Variants in SUMF2 observed in about 807,000 individuals in gnomAD.
SUMF2 encodes sulfatase modifying factor 2, also known as inactive C-alpha-formylglycine-generating enzyme 2.
Under a neutral mutation model 44.8 loss-of-function variants are expected in SUMF2, and 45 were observed. The ratio of observed to expected loss-of-function variants is 1.00; its 90% CI spans 0.79 to 1.29. The LOEUF (loss-of-function observed/expected upper bound fraction) is 1.29. Ranked by LOEUF, SUMF2 falls within the 50% of genes most tolerant of loss-of-function variation. The probability of loss-of-function intolerance (pLI) is 0.00; values close to 1 mark genes in which losing one functional copy is unlikely to be tolerated. For missense variants in SUMF2, 418 were observed against 389.9 expected (o/e 1.07, Z -0.61); for synonymous variants, 148 against 150.4 (o/e 0.98, Z 0.12).
intron 4 of SUMF2, 22 bp from the exon 5 acceptor site, chr7:56,074,564 C>T: frequency 1.9e-6 from 3 of 1,611,268 alleles, no homozygotes; most frequent in East Asian, 2.2e-5. Flanking sequence ...GGAAGCCTGT[C>T]TCACTTAATC....
chr7:56,087,046 T>G, the SUMF2 span: 2 of 1,596,882 alleles, frequency 1.3e-6, no homozygotes, highest in Non-Finnish European at 1.7e-6. Context: ...ATGGCTAGCT[T>G]GTCTCAAGTA....
At chr7:56,078,318 T>C (rs768436411) in intron 7 of SUMF2, 46 bp from the exon 8 acceptor site, 2 of 1,553,368 alleles carry the variant, frequency 1.3e-6, no homozygotes, top group Non-Finnish European at 1.7e-6. Flanking sequence ...GTAGGCGGGG[T>C]GGTCGGCGGG....
intron 4 of SUMF2, 156 bp from the exon 5 acceptor site, chr7:56,074,430 C>G: frequency 9.0e-7 from 1 of 1,112,444 alleles, no homozygotes; most frequent in Non-Finnish European, 1.3e-6. Context: ...CCTGTAGTCT[C>G]TTTTTTCTGA....
chr7:56,066,548 A>C (rs1584567231), intron 1 of SUMF2, among the ~76,000 whole-genome samples: 1 of 151,370 alleles, frequency 6.6e-6, no homozygotes, highest in African/African-American at 2.4e-5. Context: ...CCCAGGTTCA[A>C]GTGATTCTCC....
downstream of SUMF2, chr7:56,083,673 G>A: frequency 1.3e-6 from 2 of 1,585,834 alleles, no homozygotes; most frequent in Non-Finnish European, 1.7e-6. Flanking sequence ...CACTCAAGGT[G>A]ACCTTCTCAG....
chr7:56,081,352 GC>G, downstream of SUMF2: 1 of 1,556,008 alleles, frequency 6.4e-7, no homozygotes, highest in Non-Finnish European at 8.6e-7. This position sits in a 1 kb window ranked among gnomAD's most constrained non-coding sequence, Gnocchi z 4.6. Context: ...GCCAGGCCCT[GC>G]CCCTCCAGCA....
At chr7:56,068,777 A>T in intron 2 of SUMF2, 139 bp downstream of exon 2, 7 of 940,282 alleles carry the variant, frequency 7.4e-6, no homozygotes. Flanking sequence ...AATCTCGCTC[A>T]CTGCAACCTC....
intron 1 of SUMF2, among the ~76,000 whole-genome samples, chr7:56,066,664 A>G (rs1429244564): frequency 6.6e-6 from 1 of 152,202 alleles, no homozygotes; most frequent in East Asian, 1.9e-4. Context: ...CCTGTCGCCC[A>G]GGCCGGAGTG....
chr7:56,068,419 A>G (rs1794951103), intron 1 of SUMF2, 63 bp from the exon 2 acceptor site: 2 of 1,466,232 alleles, frequency 1.4e-6, no homozygotes, highest in East Asian at 4.6e-5. Flanking sequence ...CATATGATCC[A>G]AATATTACCA....
At chr7:56,065,214 G>A (rs1307400873) in intron 1 of SUMF2, among the ~76,000 whole-genome samples, 37 of 147,282 alleles carry the variant, frequency 2.5e-4, no homozygotes, top group Non-Finnish European at 1.3e-4. Context: ...AAAAAAAAAG[G>A]AAAAAGGAGA....
At chr7:56,086,885 G>T in the SUMF2 span, 1 of 992,950 alleles carries the variant, frequency 1.0e-6, no homozygotes, top group Non-Finnish European at 1.6e-6. Flanking sequence ...AGCTGGCTGT[G>T]GTCTCCAGGC....
chr7:56,074,107 G>A, intron 3 of SUMF2, 67 bp from the exon 4 acceptor site: 1 of 1,449,328 alleles, frequency 6.9e-7, no homozygotes, highest in Non-Finnish European at 9.7e-7. Flanking sequence ...TGCGTCCTGT[G>A]GCTCAGTCGG....
the SUMF2 span, chr7:56,087,586 G>T: frequency 6.2e-7 from 1 of 1,610,466 alleles, no homozygotes. Context: ...GTGGCTTGGG[G>T]CCATCACTCA....
downstream of SUMF2, chr7:56,084,075 T>C: frequency 1.2e-6 from 1 of 806,806 alleles, no homozygotes; most frequent in Non-Finnish European, 2.0e-6. Flanking sequence ...CCCATTACCC[T>C]AGTTCCAGGC....
At chr7:56,069,102 C>CCTGAAATCCAAAGAGGTTTGACTGACT (rs1795003081) in intron 2 of SUMF2, among the ~76,000 whole-genome samples, 1 of 152,094 alleles carries the variant, frequency 6.6e-6, no homozygotes, top group Admixed American at 6.6e-5. Flanking sequence ...AGATGAAGAA[C>CCTGAAATCCAAAGAGGTTTGACTGACT]CTGAAATCCA....
Position 56,078,604 on chromosome 7 carries a change from C to A in SUMF2, c.821+96C>A, listed in dbSNP as rs552900471. ...GTGTCCCTACCTTCACACCACCAAC[C>A]GTCTGTGTGTGATGAGCTGGTCCCA... On this transcript the variant is annotated intron_variant, in intron 8 of 8. Coordinates refer to ENST00000434526, the MANE Select transcript of SUMF2 (RefSeq NM_015411.4). 2.9e-6 allele frequency: 4 copies of A among 1,363,766 alleles called. No individual in the cohort carries two copies. In the East Asian group the frequency reaches 7.8e-5, roughly 27 times the overall value. The allele number at this position is 1,363,766 out of a possible 1,614,324, so 84.5% of individuals were successfully genotyped here.
intron 2 of SUMF2, among the ~76,000 whole-genome samples, chr7:56,071,328 G>A (rs1346583142): frequency 6.6e-6 from 1 of 152,164 alleles, no homozygotes; most frequent in Non-Finnish European, 1.5e-5. Flanking sequence ...CTGCACTGCA[G>A]TCTGGGTGAC....
At chr7:56,087,194 TTTATTATTA>T in the SUMF2 span, among the ~76,000 whole-genome samples, 6,455 of 136,048 alleles carry the variant, frequency 0.047, 463 homozygotes, top group African/African-American at 0.16. Context: ...GCCCAGGGAC[TTTATTATTA>T]TTATTATTAT....
At chr7:56,073,277 C>T (rs932062749) in intron 3 of SUMF2, 166 bp downstream of exon 3, 2 of 687,972 alleles carry the variant, frequency 2.9e-6, no homozygotes, top group East Asian at 5.6e-5. Flanking sequence ...GTACACACTC[C>T]CAGGAAGTTA....
Sources: gnomAD v4.1 joint callset for allele counts (sites outside exome capture counted in the v4.1 genomes callset) on GRCh38, gnomAD v4.1.1 for gene constraint, Gnocchi (gnomAD v3.1) non-coding constraint, MANE v1.5 for transcripts, NCBI Gene and HGNC (gene_info 2026-07-23, HGNC 2026-07-21) for gene names.